The following BCL2 variants were observed in gnomAD, a reference collection of about 807,000 sequenced individuals.
BCL2 encodes BCL2 apoptosis regulator, also known as apoptosis regulator Bcl-2.
BCL2 carries 1 observed loss-of-function variant against 14.2 expected under a neutral mutation model. That is an observed-to-expected ratio of 0.07 (90% confidence interval 0.02 to 0.33). The LOEUF is 0.33. Ranked by LOEUF, BCL2 falls within the 10% of genes least tolerant of loss-of-function variation. BCL2 has a pLI of 0.99. For missense variants in BCL2, 247 were observed against 305.9 expected, an observed-to-expected ratio of 0.81 and a Z score of 1.44; for synonymous variants, 151 against 137.2, an observed-to-expected ratio of 1.10 and a Z score of -0.70.
intron 2 of BCL2, among the ~76,000 whole-genome samples, chr18:63,183,568 A>C (rs1047702932): frequency 6.6e-6 from 1 of 152,220 alleles, no homozygotes; most frequent in African/African-American, 2.4e-5. Flanking sequence ...GGGCCAAAGC[A>C]GCCTCTAGAT....
At chr18:63,173,417 T>A (rs571057422) in intron 2 of BCL2, among the ~76,000 whole-genome samples, 4 of 152,330 alleles carry the variant, frequency 2.6e-5, no homozygotes, top group Admixed American at 6.5e-5. Context: ...GCTAAAAATG[T>A]TTTTCCCTGG....
At chr18:63,310,369 T>C (rs1473335495) in intron 2 of BCL2, among the ~76,000 whole-genome samples, 2 of 152,246 alleles carry the variant, frequency 1.3e-5, no homozygotes, top group African/African-American at 2.4e-5. Context: ...CATGCCTGCT[T>C]TGACGCCTCC....
At chr18:63,190,226 C>G (rs976700351) in intron 2 of BCL2, among the ~76,000 whole-genome samples, 2 of 152,066 alleles carry the variant, frequency 1.3e-5, no homozygotes, top group Non-Finnish European at 2.9e-5. Context: ...TTGAATCCAC[C>G]CTAAATAATA....
chr18:63,199,233 A>C (rs1909610329), intron 2 of BCL2, among the ~76,000 whole-genome samples: 1 of 150,024 alleles, frequency 6.7e-6, no homozygotes, highest in African/African-American at 2.5e-5. Context: ...ACTACACAAC[A>C]CATGCACACA....
intron 2 of BCL2, among the ~76,000 whole-genome samples, chr18:63,295,159 A>G (rs1219149045): frequency 3.3e-5 from 5 of 151,614 alleles, no homozygotes; most frequent in African/African-American, 4.8e-5. Context: ...GCGAGACTCC[A>G]TCTCAAAAAA....
intron 2 of BCL2, among the ~76,000 whole-genome samples, chr18:63,208,563 A>G (rs1909908628): frequency 6.6e-6 from 1 of 150,782 alleles, no homozygotes; most frequent in African/African-American, 2.5e-5. Context: ...GAAGAGGGTA[A>G]GTGTTTCGTG....
chr18:63,215,901 A>G (rs74526792), intron 2 of BCL2, among the ~76,000 whole-genome samples: 3,677 of 152,262 alleles, frequency 0.024, 138 homozygotes, highest in African/African-American at 0.084. Context: ...ATGTACAACC[A>G]CATGAATTAT....
At chr18:63,177,825 C>A (rs1187490412) in intron 2 of BCL2, among the ~76,000 whole-genome samples, 1 of 152,140 alleles carries the variant, frequency 6.6e-6, no homozygotes, top group Non-Finnish European at 1.5e-5. Context: ...TGTTTGCAGT[C>A]ACTTAATTCA....
chr18:63,295,112 C>T (rs1022382987), intron 2 of BCL2, among the ~76,000 whole-genome samples: 15 of 151,540 alleles, frequency 9.9e-5, no homozygotes, highest in East Asian at 1.9e-4. Context: ...TGCAGTGAGC[C>T]GAGATTGTGC....
intron 2 of BCL2, among the ~76,000 whole-genome samples, chr18:63,154,947 A>G (rs183378213): frequency 6.6e-6 from 1 of 152,340 alleles, no homozygotes; most frequent in East Asian, 1.9e-4. Flanking sequence ...ACACATCTCA[A>G]AAGAACCTCA....
intron 2 of BCL2, among the ~76,000 whole-genome samples, chr18:63,237,482 G>A (rs1401732373): frequency 6.6e-6 from 1 of 152,178 alleles, no homozygotes; most frequent in African/African-American, 2.4e-5. Context: ...CGGACTAGGT[G>A]CCTTAACGGG....
At chr18:63,235,442 G>A (rs1910801362) in intron 2 of BCL2, among the ~76,000 whole-genome samples, 1 of 152,086 alleles carries the variant, frequency 6.6e-6, no homozygotes, top group African/African-American at 2.4e-5. Context: ...AACACAGCAT[G>A]GAAAATGTAT....
chr18:63,233,728 G>A (rs1258555456), intron 2 of BCL2, among the ~76,000 whole-genome samples: 1 of 152,138 alleles, frequency 6.6e-6, no homozygotes, highest in Non-Finnish European at 1.5e-5. Context: ...TGGCCTGGGG[G>A]CTGGGGACCC....
chr18:63,244,734 G>A (rs1452129365), intron 2 of BCL2, among the ~76,000 whole-genome samples: 1 of 152,182 alleles, frequency 6.6e-6, no homozygotes, highest in Non-Finnish European at 1.5e-5. Context: ...ATCCGTCCTA[G>A]GCAGTATTCT....
At chr18:63,246,135 T>C (rs1255939927) in intron 2 of BCL2, among the ~76,000 whole-genome samples, 5 of 152,214 alleles carry the variant, frequency 3.3e-5, no homozygotes, top group Non-Finnish European at 7.3e-5. Context: ...TCAGCTGTTT[T>C]GTGGATGTTC....
At chr18:63,295,686 C>T (rs1421504092) in intron 2 of BCL2, among the ~76,000 whole-genome samples, 1 of 152,232 alleles carries the variant, frequency 6.6e-6, no homozygotes, top group African/African-American at 2.4e-5. Flanking sequence ...CAGCTCTCAC[C>T]CATATCCACC....
chr18:63,133,319 A>ATTTTTTT (rs34022610), intron 2 of BCL2, among the ~76,000 whole-genome samples: 17,094 of 102,924 alleles, frequency 0.17, 1,999 homozygotes, highest in Non-Finnish European at 0.22. Context: ...ACCTTCAAGA[A>ATTTTTTT]TTTTTTTTTT....
chr18:63,283,587 G>A (rs78069197), intron 2 of BCL2, among the ~76,000 whole-genome samples: 2,195 of 152,256 alleles, frequency 0.014, 51 homozygotes, highest in African/African-American at 0.05. Flanking sequence ...AATAATCACT[G>A]AACAAAATCA....
intron 2 of BCL2, among the ~76,000 whole-genome samples, chr18:63,160,387 G>C (rs1914891320): frequency 6.6e-6 from 1 of 152,178 alleles, no homozygotes; most frequent in South Asian, 2.1e-4. Context: ...GACCGAGTGG[G>C]TTTCTTTTCT....
Sources: allele counts gnomAD v4.1 joint callset (sites outside exome capture counted in the v4.1 genomes callset), GRCh38; gene constraint gnomAD v4.1.1; transcripts MANE v1.5; gene names NCBI Gene and HGNC (gene_info 2026-07-23, HGNC 2026-07-21).